The following PLXNA1 variants were observed in gnomAD, a reference collection of about 807,000 sequenced individuals.
The protein encoded by PLXNA1 is plexin-A1.
In PLXNA1, 77 loss-of-function variants were observed where a neutral mutation model predicts 191.7. That is an observed-to-expected ratio of 0.40 (90% confidence interval 0.33 to 0.49). The LOEUF is 0.49. Ranked by LOEUF, PLXNA1 falls within the 20% of genes least tolerant of loss-of-function variation. The pLI is 0.63. For synonymous variants in PLXNA1, 1,137 were observed against 1,156.4 expected (o/e 0.98, Z 0.34); for missense variants, 2,110 against 2,660.2 (o/e 0.79, Z 4.55).
intron 20 of PLXNA1, among the ~76,000 whole-genome samples, chr3:127,018,969 C>A (rs1336019689): frequency 2.6e-5 from 4 of 152,154 alleles, no homozygotes; most frequent in Admixed American, 2.0e-4. Context: ...GGAGCCCTTG[C>A]GCTTTGGCAG....
At chr3:127,027,833 C>T (rs1474450522) in intron 23 of PLXNA1, 107 bp from the exon 24 acceptor site, 1 of 1,475,236 alleles carries the variant, frequency 6.8e-7, no homozygotes, top group Non-Finnish European at 9.3e-7. Flanking sequence ...AAGTGCTGCT[C>T]ATTTCTCCTT....
intron 3 of PLXNA1, among the ~76,000 whole-genome samples, chr3:127,000,900 G>A (rs753143846): frequency 1.3e-5 from 2 of 152,330 alleles, no homozygotes; most frequent in South Asian, 4.1e-4. Context: ...CCAGTGCCCC[G>A]CTCACACTGG....
In PLXNA1 at chr3:127,032,404, G is replaced by T; in HGVS notation, c.5249G>T (p.Trp1750Leu). ...WKSNCLPLRF[W>L]VNVIKNPQFV... The stretch of plus-strand genomic sequence containing the variant: ...GCCTGCAGCCTGCCCCTGCGCTTCT[G>T]GGTGAACGTGATCAAGAACCCACAG... The change falls in exon 30 of 32, where the codon TGG becomes TTG. Residue 1750 changes from tryptophan (W) to leucine (L), a missense_variant. This residue lies in a region of PLXNA1 where 559 missense variants were observed against 911.5 expected (regional missense o/e 0.61). Transcript: ENST00000393409. 1 of 1,613,786 alleles carries T rather than the reference G, an allele frequency of 6.2e-7. No homozygotes were observed. The highest frequency in any genetic ancestry group is 8.5e-7 in the Non-Finnish European group (1 of 1,179,968).
intron 9 of PLXNA1, among the ~76,000 whole-genome samples, chr3:127,009,774 C>T (rs753180119): frequency 3.9e-5 from 6 of 152,164 alleles, no homozygotes; most frequent in Admixed American, 6.5e-5. Flanking sequence ...TGTCTGAAGG[C>T]GGAGTGGCCT....
chr3:127,017,133 C>T, intron 17 of PLXNA1, 96 bp downstream of exon 17: 4 of 1,193,970 alleles, frequency 3.4e-6, no homozygotes, highest in Non-Finnish European at 4.8e-6. Flanking sequence ...CTGCCCCTAC[C>T]CCTGCCCCTT....
At position 127,014,790 on chromosome 3, in the gene PLXNA1, C is replaced by G; in HGVS notation, c.2836C>G (p.Pro946Ala). 1 of 1,612,810 alleles carries G rather than the reference C, an allele frequency of 6.2e-7. No individual in the cohort carries two copies. The highest frequency in any genetic ancestry group is 1.3e-5 in the African/African-American group (1 of 75,046). ...GGAGGTGTGTGTGCGGGACTGCTCACCACACTACCGCGCCCTGTCACCCAA... is the reference window on the plus strand; with the variant it reads ...GGAGGTGTGTGTGCGGGACTGCTCAGCACACTACCGCGCCCTGTCACCCAA... The part of the protein sequence containing the change: ...LVEVCVRDCS[P>A]HYRALSPKRF... The change falls in exon 14 of 32, where the codon CCA becomes GCA. Residue 946 changes from proline (P) to alanine (A), a missense_variant. Physicochemically the swap from Pro to Ala is conservative, Grantham distance 27. Transcript: ENST00000393409.
At chr3:127,018,270 T>C in intron 19 of PLXNA1, 24 bp from the exon 20 acceptor site, 2 of 1,559,762 alleles carry the variant, frequency 1.3e-6, no homozygotes, top group Non-Finnish European at 1.7e-6. Context: ...GGGAAGCTCC[T>C]GAGTGGCCTC....
chr3:127,000,492 G>A (rs766480798), intron 3 of PLXNA1, among the ~76,000 whole-genome samples: 13 of 152,162 alleles, frequency 8.5e-5, no homozygotes, highest in Admixed American at 5.9e-4. Flanking sequence ...TTCACCTGCC[G>A]TCTGTGCCCC....
At chr3:126,987,904 CAGTG>C (rs2078967696) in intron 1 of PLXNA1, among the ~76,000 whole-genome samples, 1 of 152,104 alleles carries the variant, frequency 6.6e-6, no homozygotes, top group African/African-American at 2.4e-5. Flanking sequence ...CACCTATCCA[CAGTG>C]AGAACTGCTG....
intron 3 of PLXNA1, among the ~76,000 whole-genome samples, chr3:126,993,613 C>T (rs576137981): frequency 6.6e-6 from 1 of 152,340 alleles, no homozygotes; most frequent in East Asian, 1.9e-4. Context: ...TACCGCCTCC[C>T]TCCACCCCCA....
chr3:126,995,063 A>G (rs2079008728), intron 3 of PLXNA1, among the ~76,000 whole-genome samples: 2 of 152,078 alleles, frequency 1.3e-5, no homozygotes, highest in Non-Finnish European at 2.9e-5. Context: ...GGCTTTAAAA[A>G]GTGTCTGGGG....
At chr3:126,991,324 G>A (rs2078988877) in intron 2 of PLXNA1, 60 bp from the exon 3 acceptor site, 3 of 1,585,524 alleles carry the variant, frequency 1.9e-6, no homozygotes, top group Non-Finnish European at 2.6e-6. Flanking sequence ...TGCCCAGGGA[G>A]GCCCAGTCCT....
At position 127,017,396 on chromosome 3, in the gene PLXNA1, C is replaced by T. The variant is rs1004249851; in HGVS notation, c.3277-29C>T. ...GCTGCCGGGCCACTCGCGGAGGTCC[C>T]GCCCAGCATCCCCACCCTGTGTCTC... is the stretch of plus-strand genomic sequence containing the variant. On this transcript the variant is annotated intron_variant, in intron 17 of 31. Coordinates refer to ENST00000393409, the MANE Select transcript of PLXNA1 (RefSeq NM_032242.4). 8 of 1,603,654 alleles carry T rather than the reference C, an allele frequency of 5.0e-6. No homozygotes were observed. In the Admixed American group the frequency reaches 6.7e-5, roughly 13 times the overall value.
In PLXNA1 at chr3:127,016,648, C is replaced by T; in HGVS notation, c.3146C>T (p.Thr1049Ile). 1.2e-6 allele frequency: 2 copies of T among 1,614,034 alleles called. No individual in the cohort carries two copies. The highest frequency in any genetic ancestry group is 1.7e-6 in the Non-Finnish European group (2 of 1,179,978). ...AAGTACAACTACACCGAGGACCCCA[C>T]CATCCTGAGGATCGACCCCGAGTGG... is the stretch of plus-strand genomic sequence containing the variant. The part of the protein sequence containing the change: ...EVKYNYTEDP[T>I]ILRIDPEWSI... Residue 1049 changes from threonine to isoleucine, a missense_variant, in exon 16 of 32, where the codon ACC becomes ATC. Physicochemically the swap from Thr to Ile is moderately conservative, Grantham distance 89. Around this residue, in one of 4 missense-constraint regions of PLXNA1, gnomAD observed 644 missense variants for 714.3 expected, o/e 0.90. Coordinates refer to ENST00000393409, the MANE Select transcript of PLXNA1 (RefSeq NM_032242.4).
chr3:127,034,086 C>T lies in PLXNA1; in HGVS notation c.*69C>T. ...TGAGCAGGGACCGGGACAGCCCTCA[C>T]CGCATGCGTGTGGAGTGTCCGGTGG... On this transcript the variant is annotated 3_prime_UTR_variant, in exon 32 of 32. Transcript: ENST00000393409. The T allele has an allele frequency of 5.8e-6, 8 of 1,383,932 alleles. No individual in the cohort carries two copies. Among genetic ancestry groups the T allele is most frequent in the East Asian group, 2.5e-5 (1 of 40,140 alleles). 85.7% of individuals were successfully genotyped at this position (1,383,932 alleles called of 1,614,324 possible). A position where few individuals can be genotyped will look rare whatever the true frequency, so the allele number is the denominator to read the frequency against.
At chr3:127,017,111 G>A (rs1003852400) in intron 17 of PLXNA1, 74 bp downstream of exon 17, 87 of 1,353,334 alleles carry the variant, frequency 6.4e-5, no homozygotes, top group Non-Finnish European at 8.0e-5. Context: ...AGGAATACCC[G>A]TGTCCCTGCC....
At chr3:127,019,999 G>A (rs2079144517) in intron 20 of PLXNA1, among the ~76,000 whole-genome samples, 1 of 152,196 alleles carries the variant, frequency 6.6e-6, no homozygotes, top group South Asian at 2.1e-4. Context: ...GCTTGATCCT[G>A]TGGGAACCTT....
At chr3:126,992,899 A>C (rs907050304) in intron 3 of PLXNA1, among the ~76,000 whole-genome samples, 8 of 152,148 alleles carry the variant, frequency 5.3e-5, no homozygotes, top group Non-Finnish European at 1.2e-4. Context: ...TGGAAGGCAC[A>C]CAGGGCTCTC....
At chr3:126,986,005 T>C (rs1199706976) in intron 1 of PLXNA1, among the ~76,000 whole-genome samples, 3 of 152,168 alleles carry the variant, frequency 2.0e-5, no homozygotes, top group Admixed American at 2.0e-4. Flanking sequence ...GGGTGGAGTT[T>C]GGGGCGGTGG....
Sources: allele counts gnomAD v4.1 joint callset (sites outside exome capture counted in the v4.1 genomes callset), GRCh38; gene constraint gnomAD v4.1.1; regional missense constraint gnomAD v4.1.1; transcripts MANE v1.5; gene names NCBI Gene and HGNC (gene_info 2026-07-23, HGNC 2026-07-21).